SYNE2: variants seen among roughly 807,000 people sequenced by gnomAD.
SYNE2 encodes the protein spectrin repeat containing nuclear envelope protein 2.
Under a neutral mutation model 856.3 loss-of-function variants are expected in SYNE2, and 431 were observed. That is an observed-to-expected ratio of 0.50 (90% confidence interval 0.47 to 0.55). The LOEUF (loss-of-function observed/expected upper bound fraction) is 0.55. SYNE2 is among the 20% of genes least tolerant of loss of function. SYNE2 has a pLI of 0.00. For synonymous variants in SYNE2, 2,923 were observed against 2,872.3 expected (o/e 1.02, Z -0.56); for missense variants, 8,129 against 8,023.2 (o/e 1.01, Z -0.50).
chr14:63,824,887 A>G (rs1177908823), intron 1 of SYNE2, among the ~76,000 whole-genome samples: 3 of 152,032 alleles, frequency 2.0e-5, no homozygotes, highest in Non-Finnish European at 4.4e-5. Context: ...TAAACCCAGC[A>G]CTTTGGGAGG....
intron 2 of SYNE2, among the ~76,000 whole-genome samples, 171 bp from the exon 3 acceptor site, chr14:63,940,443 T>G (rs539629827): frequency 1.7e-4 from 25 of 149,768 alleles, no homozygotes; most frequent in Middle Eastern, 3.4e-3. Flanking sequence ...CAACATGGTT[T>G]TTCTAAAACA....
intron 99 of SYNE2, among the ~76,000 whole-genome samples, chr14:64,192,462 G>A (rs1397181679): frequency 1.3e-5 from 2 of 151,996 alleles, no homozygotes; most frequent in African/African-American, 2.4e-5. Context: ...TGCTTTCCTC[G>A]CTCACTCTTT....
intron 94 of SYNE2, 51 bp from the exon 95 acceptor site, chr14:64,174,893 A>G (rs747463891): frequency 8.4e-6 from 13 of 1,553,360 alleles, no homozygotes; most frequent in Non-Finnish European, 9.8e-6. Context: ...ACACAATCAC[A>G]TTTTGAACAC....
intron 2 of SYNE2, among the ~76,000 whole-genome samples, chr14:63,912,282 G>T (rs1205280059): frequency 3.3e-5 from 5 of 152,062 alleles, no homozygotes; most frequent in African/African-American, 1.2e-4. Context: ...AAGAAAAGAA[G>T]GCAGACACTT....
chr14:63,811,078 G>A (rs951415772), intron 1 of SYNE2, among the ~76,000 whole-genome samples: 5 of 152,114 alleles, frequency 3.3e-5, no homozygotes, highest in African/African-American at 4.8e-5. Context: ...CTCGTGATCC[G>A]CCCACCTTGG....
intron 27 of SYNE2, among the ~76,000 whole-genome samples, chr14:63,999,426 G>C (rs922411870): frequency 2.0e-5 from 3 of 152,216 alleles, no homozygotes; most frequent in African/African-American, 7.2e-5. Context: ...CAGTGACTCT[G>C]AATGTTTGTT....
At chr14:63,766,572 T>C (rs1421287128) in intron 1 of SYNE2, among the ~76,000 whole-genome samples, 1 of 152,174 alleles carries the variant, frequency 6.6e-6, no homozygotes, top group Non-Finnish European at 1.5e-5. Context: ...CAGGGAGCTG[T>C]GCAATGTGAC....
intron 36 of SYNE2, among the ~76,000 whole-genome samples, 158 bp downstream of exon 36, chr14:64,021,673 G>T (rs1228626744): frequency 2.6e-5 from 4 of 152,204 alleles, no homozygotes; most frequent in African/African-American, 9.7e-5. Flanking sequence ...TCTTTGAATT[G>T]CTTTGTGCAT....
intron 2 of SYNE2, among the ~76,000 whole-genome samples, chr14:63,918,681 G>T (rs1044867782): frequency 1.3e-5 from 2 of 152,188 alleles, no homozygotes; most frequent in African/African-American, 4.8e-5. Context: ...TTGTCGGGTG[G>T]AGCAGCATTC....
At chr14:63,995,319 T>G (rs2096704676) in intron 23 of SYNE2, 117 bp downstream of exon 23, 1 of 787,960 alleles carries the variant, frequency 1.3e-6, no homozygotes, top group South Asian at 1.6e-5. Context: ...AGCCCTCCTC[T>G]CCCCGGGGAT....
intron 50 of SYNE2, among the ~76,000 whole-genome samples, chr14:64,063,515 G>A (rs1339652120): frequency 6.6e-6 from 1 of 152,142 alleles, no homozygotes; most frequent in Non-Finnish European, 1.5e-5. Context: ...GGATACTGCT[G>A]GATCAGTGAC....
chr14:63,880,568 G>A (rs1202258950), intron 1 of SYNE2, among the ~76,000 whole-genome samples: 1 of 150,746 alleles, frequency 6.6e-6, no homozygotes, highest in East Asian at 1.9e-4. Flanking sequence ...TTTAATGCTT[G>A]TTTATATGCA....
At chr14:63,854,756 C>T (rs560762170) in intron 1 of SYNE2, among the ~76,000 whole-genome samples, 14 of 152,238 alleles carry the variant, frequency 9.2e-5, no homozygotes, top group Non-Finnish European at 2.1e-4. Flanking sequence ...AATTTTTTAG[C>T]ATTTCAGTGG....
chr14:64,042,006 T>A (rs188557110), intron 45 of SYNE2, among the ~76,000 whole-genome samples: 1 of 152,166 alleles, frequency 6.6e-6, no homozygotes, highest in Non-Finnish European at 1.5e-5. Context: ...TACATAGATA[T>A]CTTAAGGAAC....
At chr14:64,074,609 G>C (rs556671120) in intron 53 of SYNE2, among the ~76,000 whole-genome samples, 1 of 152,122 alleles carries the variant, frequency 6.6e-6, no homozygotes, top group East Asian at 1.9e-4. Flanking sequence ...CAAAAGTCAC[G>C]TGTTGGCCGG....
chr14:64,113,055 C>T lies in SYNE2; in HGVS notation c.12610-286C>T, dbSNP rs184149383. 515 of 985,368 alleles carry T rather than the reference C, an allele frequency of 5.2e-4. 1 individual carries two copies. In the African/African-American group the frequency reaches 8.5e-3, roughly 16 times the overall value. 61.0% of individuals were successfully genotyped at this position (985,368 alleles called of 1,614,324 possible). On this transcript the variant is annotated intron_variant, in intron 65 of 115. Transcript: ENST00000555002. ...ACACACACCCTGTCACTCACATTCTCACCTGTCTCCTGGGGCTCACCGGGT... is the reference window on the plus strand; with the variant it reads ...ACACACACCCTGTCACTCACATTCTTACCTGTCTCCTGGGGCTCACCGGGT...
At chr14:63,869,191 C>A (rs1176886356) in intron 1 of SYNE2, among the ~76,000 whole-genome samples, 1 of 152,206 alleles carries the variant, frequency 6.6e-6, no homozygotes, top group African/African-American at 2.4e-5. Context: ...CAGAGAGCAG[C>A]CTGCTCGCTG....
At chr14:64,195,567 GC>G (rs2098537316) in intron 99 of SYNE2, among the ~76,000 whole-genome samples, 2 of 152,164 alleles carry the variant, frequency 1.3e-5, no homozygotes, top group African/African-American at 4.8e-5. Flanking sequence ...TCTAAATTTT[GC>G]CTACCAACCT....
intron 84 of SYNE2, among the ~76,000 whole-genome samples, chr14:64,148,465 C>T (rs939212818): frequency 6.6e-6 from 1 of 152,130 alleles, no homozygotes; most frequent in Admixed American, 6.6e-5. Flanking sequence ...CTCGTCAGTC[C>T]CCATTTGCCT....
Sources: allele counts gnomAD v4.1 joint callset (sites outside exome capture counted in the v4.1 genomes callset), GRCh38; gene constraint gnomAD v4.1.1; transcripts MANE v1.5; gene names NCBI Gene and HGNC (gene_info 2026-07-23, HGNC 2026-07-21).